PSD3: variants seen among roughly 807,000 people sequenced by gnomAD.
PSD3 encodes the protein pleckstrin and Sec7 domain containing 3, also known as PH and SEC7 domain-containing protein 3.
In PSD3, 49 loss-of-function variants were observed where a neutral mutation model predicts 105.5. The ratio of observed to expected loss-of-function variants is 0.46; its 90% confidence interval spans 0.37 to 0.59. The LOEUF (loss-of-function observed/expected upper bound fraction) is 0.59, where lower values mean the gene tolerates loss of function less well. PSD3 is among the 20% of genes least tolerant of loss of function. The pLI is 0.00. For missense variants in PSD3, 1,561 were observed against 1,263.8 expected (o/e 1.24, Z -3.57); for synonymous variants, 557 against 457.8 (o/e 1.22, Z -2.77).
intron 9 of PSD3, among the ~76,000 whole-genome samples, chr8:18,758,486 G>T (rs934327906): frequency 6.6e-6 from 1 of 151,172 alleles, no homozygotes; most frequent in Admixed American, 6.6e-5. Flanking sequence ...TCCTTTTTGG[G>T]GTTTGAACTT....
intron 1 of PSD3, among the ~76,000 whole-genome samples, chr8:19,083,158 G>A (rs1352854289): frequency 2.6e-5 from 4 of 151,994 alleles, no homozygotes; most frequent in African/African-American, 9.7e-5. Context: ...TCTTCCTTCC[G>A]TCTCATCCCA....
At chr8:18,608,307 C>G (rs1433960853) in intron 11 of PSD3, among the ~76,000 whole-genome samples, 1 of 152,196 alleles carries the variant, frequency 6.6e-6, no homozygotes, top group South Asian at 2.1e-4. Context: ...GGGACATCCA[C>G]AGTAAATGGT....
intron 12 of PSD3, among the ~76,000 whole-genome samples, chr8:18,579,279 A>C (rs1044335326): frequency 2.1e-4 from 32 of 152,204 alleles, no homozygotes; most frequent in African/African-American, 7.0e-4. Flanking sequence ...GGGCAGGAAG[A>C]AATAACGGAT....
chr8:18,790,868 C>T (rs73666720), intron 8 of PSD3, among the ~76,000 whole-genome samples: 84 of 152,030 alleles, frequency 5.5e-4, no homozygotes, highest in African/African-American at 2.0e-3. Flanking sequence ...GATAAGCAAC[C>T]TTGGCGAAGT....
At chr8:18,806,655 T>C (rs576691832) in intron 4 of PSD3, among the ~76,000 whole-genome samples, 2 of 152,258 alleles carry the variant, frequency 1.3e-5, no homozygotes, top group African/African-American at 4.8e-5. Context: ...TGCTGCTTTG[T>C]TGTTGTTGTT....
chr8:19,044,709 C>A (rs1828251364), intron 1 of PSD3, among the ~76,000 whole-genome samples: 1 of 152,020 alleles, frequency 6.6e-6, no homozygotes, highest in East Asian at 1.9e-4. Context: ...CACAAATGTA[C>A]TGTGAGATTG....
At chr8:18,975,371 C>T (rs558307924) in intron 1 of PSD3, among the ~76,000 whole-genome samples, 58 of 146,960 alleles carry the variant, frequency 3.9e-4, no homozygotes, top group South Asian at 8.5e-4. Flanking sequence ...AGCTAACTTA[C>T]TACTGATGTG....
intron 8 of PSD3, among the ~76,000 whole-genome samples, chr8:18,768,116 CAAAAA>C (rs774203727): frequency 7.2e-5 from 7 of 97,372 alleles, no homozygotes; most frequent in Non-Finnish European, 1.3e-4. Context: ...ACTGAAAATA[CAAAAA>C]AAAAAAAAAA....
chr8:18,624,561 A>G (rs1476547270), intron 11 of PSD3, among the ~76,000 whole-genome samples: 2 of 145,100 alleles, frequency 1.4e-5, no homozygotes, highest in East Asian at 4.3e-4. Context: ...GGGGAGGGAT[A>G]GCATTAGGAG....
At chr8:18,698,742 G>A (rs1801405652) in intron 9 of PSD3, among the ~76,000 whole-genome samples, 1 of 151,946 alleles carries the variant, frequency 6.6e-6, no homozygotes, top group Non-Finnish European at 1.5e-5. Flanking sequence ...CATCCAAGAT[G>A]GTATATCTAT....
intron 8 of PSD3, among the ~76,000 whole-genome samples, chr8:18,775,158 T>G (rs367849336): frequency 6.6e-6 from 1 of 152,184 alleles, no homozygotes; most frequent in South Asian, 2.1e-4. Context: ...ATGACCTCTG[T>G]GTTCCATCCA....
chr8:18,975,051 G>T (rs943848097), intron 1 of PSD3, among the ~76,000 whole-genome samples: 3 of 152,176 alleles, frequency 2.0e-5, no homozygotes, highest in African/African-American at 7.2e-5. Context: ...AGGACAAGAG[G>T]CTGGCAGAGG....
chr8:18,587,512 A>G (rs1803283226), intron 12 of PSD3, among the ~76,000 whole-genome samples: 1 of 152,096 alleles, frequency 6.6e-6, no homozygotes, highest in Non-Finnish European at 1.5e-5. Flanking sequence ...TGAATATGCC[A>G]TATTCTCTCA....
At chr8:19,059,882 A>G (rs1194400889) in intron 1 of PSD3, among the ~76,000 whole-genome samples, 2 of 152,190 alleles carry the variant, frequency 1.3e-5, no homozygotes, top group Non-Finnish European at 2.9e-5. Context: ...TCTGTCTTCT[A>G]TAACCACTGG....
intron 14 of PSD3, among the ~76,000 whole-genome samples, chr8:18,568,796 G>A (rs1478166913): frequency 4.6e-5 from 7 of 151,510 alleles, no homozygotes; most frequent in Admixed American, 2.0e-4. Context: ...ATGCTGGTGC[G>A]CTGCACCCAC....
chr8:19,014,116 G>A (rs1827095334), upstream of PSD3: 1 of 152,348 alleles, frequency 6.6e-6, no homozygotes, highest in Admixed American at 6.5e-5. This position sits in a 1 kb window ranked among gnomAD's most constrained non-coding sequence, Gnocchi z 4.9. Context: ...AAAAGTGAGA[G>A]GTGCTTTCCC....
At chr8:18,846,291 G>A (rs1226189855) in intron 4 of PSD3, among the ~76,000 whole-genome samples, 1 of 152,132 alleles carries the variant, frequency 6.6e-6, no homozygotes, top group Non-Finnish European at 1.5e-5. Flanking sequence ...TCACTCCAAG[G>A]CTCAAGGGCA....
intron 1 of PSD3, among the ~76,000 whole-genome samples, chr8:18,966,976 G>C (rs762707911): frequency 2.0e-5 from 3 of 152,094 alleles, no homozygotes; most frequent in Non-Finnish European, 2.9e-5. Flanking sequence ...GGGAAAACAT[G>C]TCCAAAAACA....
chr8:19,022,597 C>A (rs957826008), intron 1 of PSD3, among the ~76,000 whole-genome samples: 15 of 152,314 alleles, frequency 9.8e-5, no homozygotes, highest in South Asian at 2.1e-4. Context: ...GAAGAAGCAA[C>A]CTCCATTGGT....
Sources: allele counts gnomAD v4.1 joint callset (sites outside exome capture counted in the v4.1 genomes callset), GRCh38; gene constraint gnomAD v4.1.1; non-coding constraint Gnocchi (gnomAD v3.1); transcripts MANE v1.5; gene names NCBI Gene and HGNC (gene_info 2026-07-23, HGNC 2026-07-21).